Variants in EMCN observed in about 807,000 individuals in gnomAD.
EMCN encodes MUC-14.
Under a neutral mutation model 38.4 loss-of-function variants are expected in EMCN, and 37 were observed. The observed-to-expected ratio is 0.96, with a 90% CI of 0.74 to 1.27. EMCN has a LOEUF of 1.27. EMCN is among the 50% of genes most tolerant of loss of function. The probability of loss-of-function intolerance (pLI) is 0.00; values close to 1 mark genes in which losing one functional copy is unlikely to be tolerated. For missense variants in EMCN, 318 were observed against 302.8 expected, an observed-to-expected ratio of 1.05 and a Z score of -0.37; for synonymous variants, 95 against 100.8, an observed-to-expected ratio of 0.94 and a Z score of 0.35.
intron 1 of EMCN, among the ~76,000 whole-genome samples, chr4:100,504,400 G>A (rs535723594): frequency 1.2e-4 from 18 of 152,112 alleles, no homozygotes; most frequent in East Asian, 1.9e-4. Context: ...CCGAGGGCAC[G>A]AACTTTTTCA....
intron 1 of EMCN, among the ~76,000 whole-genome samples, chr4:100,509,486 G>A (rs1393907249): frequency 1.3e-5 from 2 of 152,156 alleles, no homozygotes; most frequent in African/African-American, 4.8e-5. Context: ...TGGTTGTTTA[G>A]AGTTGTCACA....
At chr4:100,515,843 C>CAAAA (rs528743687) in intron 1 of EMCN, among the ~76,000 whole-genome samples, 177 of 152,156 alleles carry the variant, frequency 1.2e-3, no homozygotes, top group African/African-American at 3.9e-3. Context: ...CAAAAACAAA[C>CAAAA]AAACAAACAA....
At chr4:100,429,377 T>G (rs1361270552) in intron 5 of EMCN, among the ~76,000 whole-genome samples, 1 of 152,182 alleles carries the variant, frequency 6.6e-6, no homozygotes, top group Non-Finnish European at 1.5e-5. Context: ...GGGTTTTAGA[T>G]TCTTTTCAAT....
chr4:100,473,830 C>A lies in EMCN; in HGVS notation c.259+1208G>T. On this transcript the variant is annotated intron_variant, in intron 3 of 11. Transcript: ENST00000296420. ...AGCTGAGCGAAAATTAAAAAATCCT[C>A]GTTTTGAAGTGTCATCTTCTCTTAT... 3 of 146,806 alleles carry A rather than the reference C, an allele frequency of 2.0e-5. No homozygotes were observed. The South Asian group carries it at 5.6e-4, about 27-fold the overall frequency. The allele number at this position is 146,806 out of a possible 1,614,324, so 9.1% of individuals were successfully genotyped here. A position where few individuals can be genotyped will look rare whatever the true frequency, so the allele number is the denominator to read the frequency against.
intron 11 of EMCN, among the ~76,000 whole-genome samples, chr4:100,405,427 G>T (rs940362388): frequency 6.6e-6 from 1 of 152,074 alleles, no homozygotes; most frequent in Non-Finnish European, 1.5e-5. Context: ...AACATGAAAA[G>T]ATGTTAAATT....
chr4:100,451,848 T>A (rs1727847756), intron 4 of EMCN, among the ~76,000 whole-genome samples: 1 of 152,060 alleles, frequency 6.6e-6, no homozygotes, highest in Non-Finnish European at 1.5e-5. Flanking sequence ...TGTTTTTGTG[T>A]GTGTGTTTAT....
chr4:100,517,027 G>T (rs1280852624), intron 1 of EMCN, among the ~76,000 whole-genome samples: 4 of 151,914 alleles, frequency 2.6e-5, no homozygotes, highest in Non-Finnish European at 5.9e-5. Flanking sequence ...CGTCTTACTT[G>T]TTTTTATATT....
At chr4:100,439,398 A>T (rs1727445535) in intron 5 of EMCN, among the ~76,000 whole-genome samples, 1 of 151,440 alleles carries the variant, frequency 6.6e-6, no homozygotes, top group South Asian at 2.1e-4. Context: ...TTTTTTAAGC[A>T]ATTTATCTGT....
chr4:100,416,210 G>A (rs1309873016), intron 9 of EMCN, among the ~76,000 whole-genome samples: 3 of 151,806 alleles, frequency 2.0e-5, no homozygotes, highest in African/African-American at 4.8e-5. Flanking sequence ...CTGGAATCAA[G>A]CCAATAAATC....
chr4:100,431,154 C>A (rs1266373849), intron 5 of EMCN, among the ~76,000 whole-genome samples: 1 of 152,118 alleles, frequency 6.6e-6, no homozygotes, highest in Non-Finnish European at 1.5e-5. Flanking sequence ...CTTCTAATAC[C>A]TGTTCTGGCT....
At position 100,438,563 on chromosome 4, in the gene EMCN, A is replaced by G. The variant is rs181125833; in HGVS notation, c.415+8970T>C. Among the ~76,000 whole-genome samples, 280 of 151,238 alleles carry G rather than the reference A, an allele frequency of 1.9e-3. 1 individual carries two copies. The highest frequency in any genetic ancestry group is 6.3e-3 in the African/African-American group (260 of 41,236). ...AGATTTTTTTTTCTTTTTGATTTTG[A>G]TGTCTTTTATTTCTTTTCCTTGTAT... On this transcript the variant is annotated intron_variant, in intron 5 of 11. Coordinates refer to ENST00000296420, the MANE Select transcript of EMCN (RefSeq NM_016242.4).
At chr4:100,413,023 T>C (rs528443122) in intron 10 of EMCN, among the ~76,000 whole-genome samples, 1 of 152,306 alleles carries the variant, frequency 6.6e-6, no homozygotes, top group Non-Finnish European at 1.5e-5. Context: ...AGTGGGTGGC[T>C]GCAGAGGGCT....
rs747921609 is a variant in EMCN at position 100,423,296 on chromosome 4, C to T, written c.508+16G>A. 1 of 1,585,306 alleles carries T rather than the reference C, an allele frequency of 6.3e-7. No homozygotes were observed. Among genetic ancestry groups the T allele is most frequent in the Non-Finnish European group, 8.7e-7 (1 of 1,154,410 alleles). On this transcript the variant is annotated intron_variant, in intron 6 of 11. Coordinates refer to ENST00000296420, the MANE Select transcript of EMCN (RefSeq NM_016242.4). ...CAGGTAGAGCAGATTTCCACTCAGG[C>T]ACACAGATATCATACCTTGAGACTG...
chr4:100,403,699 A>G (rs1199752548), intron 11 of EMCN, among the ~76,000 whole-genome samples: 1 of 152,110 alleles, frequency 6.6e-6, no homozygotes, highest in Non-Finnish European at 1.5e-5. Flanking sequence ...TGCAGTGTAT[A>G]AGCATTCCCT....
intron 3 of EMCN, among the ~76,000 whole-genome samples, chr4:100,468,415 G>A (rs1341934661): frequency 6.6e-6 from 1 of 152,156 alleles, no homozygotes; most frequent in East Asian, 1.9e-4. Flanking sequence ...ATGAAGAGAT[G>A]GTTTGTGGTC....
At chr4:100,504,325 A>G (rs949687911) in intron 1 of EMCN, among the ~76,000 whole-genome samples, 1 of 152,186 alleles carries the variant, frequency 6.6e-6, no homozygotes, top group African/African-American at 2.4e-5. Flanking sequence ...GGATCGGGAG[A>G]GTTGTTAACC....
chr4:100,415,808 T>C, intron 10 of EMCN, 90 bp downstream of exon 10: 1 of 852,252 alleles, frequency 1.2e-6, no homozygotes, highest in Non-Finnish European at 1.9e-6. Context: ...GTTAGGCCTT[T>C]TGTTTATGTT....
chr4:100,482,884 C>CA (rs1428189290), intron 1 of EMCN, among the ~76,000 whole-genome samples: 1 of 152,016 alleles, frequency 6.6e-6, no homozygotes, highest in Non-Finnish European at 1.5e-5. Flanking sequence ...AGTTCACATC[C>CA]AAAAAATGAC....
intron 11 of EMCN, among the ~76,000 whole-genome samples, chr4:100,408,861 G>A (rs919558089): frequency 7.2e-5 from 11 of 152,326 alleles, no homozygotes; most frequent in Admixed American, 6.5e-4. Context: ...CATGACTGGT[G>A]AAGAGCAGGA....
Sources: gnomAD v4.1 joint callset for allele counts (sites outside exome capture counted in the v4.1 genomes callset) on GRCh38, gnomAD v4.1.1 for gene constraint, MANE v1.5 for transcripts, NCBI Gene and HGNC (gene_info 2026-07-23, HGNC 2026-07-21) for gene names.